The following RYR3 variants were observed in gnomAD, a reference collection of about 807,000 sequenced individuals.
RYR3 encodes brain ryanodine receptor-calcium release channel.
A neutral mutation model predicts 584.3 loss-of-function variants in RYR3; 207 were observed. That is an observed-to-expected ratio of 0.35 (90% CI 0.32 to 0.40). The LOEUF (loss-of-function observed/expected upper bound fraction) is 0.40, where lower values mean the gene tolerates loss of function less well. RYR3 is among the 10% of genes least tolerant of loss of function. The pLI is 1.00. For missense variants in RYR3, 5,616 were observed against 6,089.2 expected (o/e 0.92, Z 2.59); for synonymous variants, 2,416 against 2,248.5 (o/e 1.07, Z -2.11).
chr15:33,553,796 A>G (rs1272867527), intron 10 of RYR3, among the ~76,000 whole-genome samples: 2 of 152,114 alleles, frequency 1.3e-5, no homozygotes, highest in Non-Finnish European at 2.9e-5. Flanking sequence ...CTTGATTCTC[A>G]TCTGCTCTCT....
At chr15:33,503,907 C>T (rs1358449548) in intron 3 of RYR3, among the ~76,000 whole-genome samples, 169 bp downstream of exon 3, 2 of 152,150 alleles carry the variant, frequency 1.3e-5, no homozygotes, top group Admixed American at 6.5e-5. Context: ...TTCAGCAACC[C>T]TACTTCTGCT....
chr15:33,526,481 C>T (rs1238050143), intron 3 of RYR3, among the ~76,000 whole-genome samples: 1 of 152,098 alleles, frequency 6.6e-6, no homozygotes, highest in Non-Finnish European at 1.5e-5. Context: ...GTGAGCAGAC[C>T]CACACAATCT....
At chr15:33,704,632 C>T (rs948169975) in intron 42 of RYR3, among the ~76,000 whole-genome samples, 8 of 152,148 alleles carry the variant, frequency 5.3e-5, no homozygotes, top group Admixed American at 3.9e-4. Context: ...GGTGGTATGA[C>T]GATAACCGAT....
chr15:33,446,205 A>G (rs984114594), intron 1 of RYR3, among the ~76,000 whole-genome samples: 2 of 152,148 alleles, frequency 1.3e-5, no homozygotes, highest in Admixed American at 1.3e-4. Context: ...CTCTTGCTCA[A>G]ATTAGTGTTC....
At chr15:33,857,226 A>AAGTC (rs2079774773) in intron 98 of RYR3, among the ~76,000 whole-genome samples, 1 of 146,400 alleles carries the variant, frequency 6.8e-6, no homozygotes. Flanking sequence ...GGCGGTAAGT[A>AAGTC]AGTCCAGTAT....
chr15:33,363,000 A>G (rs971570180), intron 1 of RYR3, among the ~76,000 whole-genome samples: 13 of 152,138 alleles, frequency 8.5e-5, no homozygotes, highest in Non-Finnish European at 4.4e-5. Flanking sequence ...ACTTTTGGAC[A>G]TGGCTGTGTG....
chr15:33,402,409 G>A (rs1461441133), intron 1 of RYR3, among the ~76,000 whole-genome samples: 5 of 152,170 alleles, frequency 3.3e-5, no homozygotes, highest in African/African-American at 7.2e-5. Context: ...AATACTTGAG[G>A]CACACAGGAG....
In RYR3 at chr15:33,835,997, T is replaced by C. The variant is rs375931502; in HGVS notation, c.11569-909T>C. ...GTGATCTCTGAGGTCTCTTCACAGC[T>C]CTGATATCCTACACTTCTGTGATAT... is the stretch of plus-strand genomic sequence containing the variant. On this transcript the variant is annotated intron_variant, in intron 87 of 103. Transcript: ENST00000634891. 3.9e-5 allele frequency among the ~76,000 whole-genome samples: 6 copies of C among 152,184 alleles called. No homozygotes were observed. In the East Asian group the frequency reaches 1.2e-3, roughly 29 times the overall value.
At chr15:33,763,326 C>G (rs1021454296) in intron 60 of RYR3, among the ~76,000 whole-genome samples, 1 of 152,140 alleles carries the variant, frequency 6.6e-6, no homozygotes, top group African/African-American at 2.4e-5. Flanking sequence ...TCAGAGTGAA[C>G]AGGCAACCTA....
At chr15:33,466,911 G>A (rs914877232) in intron 1 of RYR3, among the ~76,000 whole-genome samples, 2 of 152,190 alleles carry the variant, frequency 1.3e-5, no homozygotes, top group Non-Finnish European at 2.9e-5. Flanking sequence ...TCTTAGAATT[G>A]AAGGAAGCAA....
intron 67 of RYR3, among the ~76,000 whole-genome samples, chr15:33,794,991 G>A (rs921995076): frequency 6.6e-6 from 1 of 152,300 alleles, no homozygotes; most frequent in South Asian, 2.1e-4. Context: ...TCTGGTTTCA[G>A]ACCGTTCAAA....
At chr15:33,676,900 C>T (rs561593932) in intron 38 of RYR3, among the ~76,000 whole-genome samples, 28 of 152,220 alleles carry the variant, frequency 1.8e-4, no homozygotes, top group African/African-American at 6.5e-4. Flanking sequence ...CTTTTGGTAG[C>T]CTGTGCTTTA....
intron 44 of RYR3, 107 bp downstream of exon 44, chr15:33,723,002 C>A: frequency 1.0e-6 from 1 of 1,004,518 alleles, no homozygotes; most frequent in Non-Finnish European, 1.5e-6. Context: ...ATGTTCTTAA[C>A]AGTTACAGCT....
intron 16 of RYR3, among the ~76,000 whole-genome samples, chr15:33,597,026 C>T (rs2059411955): frequency 1.3e-5 from 2 of 152,166 alleles, no homozygotes; most frequent in African/African-American, 4.8e-5. Context: ...ACTAGACTGC[C>T]TAAAGCCACC....
intron 16 of RYR3, among the ~76,000 whole-genome samples, chr15:33,591,340 C>G (rs1438518590): frequency 5.3e-5 from 8 of 152,182 alleles, no homozygotes; most frequent in Non-Finnish European, 1.0e-4. Context: ...TTTTTCACAT[C>G]TATTTCTCTT....
At chr15:33,444,146 T>G (rs752883332) in intron 1 of RYR3, among the ~76,000 whole-genome samples, 1 of 152,132 alleles carries the variant, frequency 6.6e-6, no homozygotes, top group Non-Finnish European at 1.5e-5. Context: ...TTTTCTCCAT[T>G]TCATGGGTTC....
intron 1 of RYR3, among the ~76,000 whole-genome samples, chr15:33,448,995 G>A (rs2046896259): frequency 6.6e-6 from 1 of 152,190 alleles, no homozygotes; most frequent in Non-Finnish European, 1.5e-5. Context: ...CTGAGAAGTA[G>A]TCCCGGAAAG....
At chr15:33,519,382 C>G (rs2039215224) in intron 3 of RYR3, among the ~76,000 whole-genome samples, 1 of 152,160 alleles carries the variant, frequency 6.6e-6, no homozygotes, top group South Asian at 2.1e-4. Flanking sequence ...CATGTTTGTT[C>G]TTTGCTTCTT....
chr15:33,412,999 G>A lies in RYR3; in HGVS notation c.52-60420G>A, dbSNP rs2043516355. ...TGAGAAATGGTCTACCCATCTCTGG[G>A]TCTGAAAGACAACTGTACCATCCTG... On this transcript the variant is annotated intron_variant, in intron 1 of 103. Transcript: ENST00000634891. This position sits in a 1 kb window ranked among gnomAD's most constrained non-coding sequence, Gnocchi z 4.3. 6.6e-6 allele frequency among the ~76,000 whole-genome samples: 1 copy of A among 152,130 alleles called. No individual in the cohort carries two copies. The highest frequency in any genetic ancestry group is 2.4e-5 in the African/African-American group (1 of 41,408).
Sources: gnomAD v4.1 joint callset for allele counts (sites outside exome capture counted in the v4.1 genomes callset) on GRCh38, gnomAD v4.1.1 for gene constraint, Gnocchi (gnomAD v3.1) non-coding constraint, MANE v1.5 for transcripts, NCBI Gene and HGNC (gene_info 2026-07-23, HGNC 2026-07-21) for gene names.